The following TBC1D5 variants were observed in gnomAD, a reference collection of about 807,000 sequenced individuals.
The protein encoded by TBC1D5 is TBC1 domain family, member 5.
Under a neutral mutation model 100.3 loss-of-function variants are expected in TBC1D5, and 75 were observed. The ratio of observed to expected loss-of-function variants is 0.75; its 90% confidence interval spans 0.62 to 0.91. TBC1D5 has a LOEUF of 0.91. Among genes scored for constraint, TBC1D5 ranks in the 40% least tolerant of loss-of-function variants. The probability of loss-of-function intolerance (pLI) is 0.00; values close to 1 mark genes in which losing one functional copy is unlikely to be tolerated. For missense variants in TBC1D5, 910 were observed against 942.4 expected (o/e 0.97, Z 0.45); for synonymous variants, 323 against 325.6 (o/e 0.99, Z 0.09).
chr3:17,257,307 G>A (rs1482866839), intron 16 of TBC1D5, among the ~76,000 whole-genome samples: 3 of 152,186 alleles, frequency 2.0e-5, no homozygotes, highest in Admixed American at 6.5e-5. Flanking sequence ...AGAAATATAA[G>A]TGACTAGGGT....
intron 2 of TBC1D5, among the ~76,000 whole-genome samples, chr3:17,595,754 C>A (rs1181431442): frequency 6.6e-6 from 1 of 152,154 alleles, no homozygotes; most frequent in Non-Finnish European, 1.5e-5. Context: ...CAAGCCCTTT[C>A]CACTAAAAAG....
In TBC1D5 at chr3:17,182,977, A is replaced by T. The variant is rs554572595; in HGVS notation, c.1852+2132T>A. Among the ~76,000 whole-genome samples, 27 of 151,770 alleles carry T rather than the reference A, an allele frequency of 1.8e-4. No individual in the cohort carries two copies. The South Asian group carries it at 5.4e-3, about 31-fold the overall frequency. On this transcript the variant is annotated intron_variant, in intron 19 of 21. Transcript: ENST00000253692. ...AATCTTTACCTGCCCTTTACCAGAC[A>T]CTCCCTACAGGGCAAGCTTACCTAA...
At chr3:17,703,295 AAGGT>A (rs2153889114) in intron 1 of TBC1D5, among the ~76,000 whole-genome samples, 1 of 152,176 alleles carries the variant, frequency 6.6e-6, no homozygotes, top group South Asian at 2.1e-4. Flanking sequence ...AGAAAAAAAA[AAGGT>A]AGGCTTTAAA....
chr3:17,303,680 T>A (rs1455015258), intron 14 of TBC1D5, among the ~76,000 whole-genome samples: 1 of 152,140 alleles, frequency 6.6e-6, no homozygotes, highest in Admixed American at 6.5e-5. Context: ...CCCAATTCTT[T>A]GATATATTCA....
chr3:17,593,921 G>A (rs2060399557), intron 2 of TBC1D5, among the ~76,000 whole-genome samples: 1 of 152,176 alleles, frequency 6.6e-6, no homozygotes. Context: ...TTCTCCCATA[G>A]CCATGATTCA....
chr3:17,379,339 A>C (rs2092837701), intron 9 of TBC1D5, among the ~76,000 whole-genome samples: 1 of 151,972 alleles, frequency 6.6e-6, no homozygotes, highest in East Asian at 1.9e-4. Flanking sequence ...TGCCCTTTTG[A>C]AAGAAATAGT....
At chr3:17,585,588 A>C (rs2096727797) in intron 2 of TBC1D5, among the ~76,000 whole-genome samples, 1 of 152,190 alleles carries the variant, frequency 6.6e-6, no homozygotes, top group African/African-American at 2.4e-5. Flanking sequence ...CAGAAGAGAC[A>C]AAAGAAAAGG....
intron 13 of TBC1D5, among the ~76,000 whole-genome samples, chr3:17,368,900 A>G (rs764302980): frequency 6.6e-6 from 1 of 152,102 alleles, no homozygotes; most frequent in East Asian, 1.9e-4. Context: ...CCCCTTGGTG[A>G]TATTTACTCA....
At chr3:17,306,015 A>G (rs1484024036) in intron 14 of TBC1D5, among the ~76,000 whole-genome samples, 2 of 152,208 alleles carry the variant, frequency 1.3e-5, no homozygotes, top group Non-Finnish European at 2.9e-5. Context: ...CTTTAGTCTC[A>G]TAACCTGCGG....
chr3:17,407,397 A>G (rs1314385577), intron 4 of TBC1D5, among the ~76,000 whole-genome samples: 1 of 152,138 alleles, frequency 6.6e-6, no homozygotes, highest in East Asian at 1.9e-4. Context: ...AGCTTTATGA[A>G]ATTTCTCCCA....
intron 2 of TBC1D5, among the ~76,000 whole-genome samples, chr3:17,612,896 T>A (rs2061797556): frequency 6.6e-6 from 1 of 151,582 alleles, no homozygotes; most frequent in Admixed American, 6.6e-5. Flanking sequence ...TTCTTTTTTT[T>A]TTTTTTTTAT....
chr3:17,579,680 T>C (rs1024609496), intron 2 of TBC1D5, among the ~76,000 whole-genome samples: 13 of 152,148 alleles, frequency 8.5e-5, no homozygotes, highest in African/African-American at 3.1e-4. Context: ...AGAATTTTCC[T>C]CACATCATCC....
chr3:17,364,031 A>G (rs1417065251), intron 13 of TBC1D5, among the ~76,000 whole-genome samples: 2 of 150,252 alleles, frequency 1.3e-5, no homozygotes, highest in East Asian at 1.9e-4. Context: ...CAGCACCACC[A>G]CCCCCTCCCC....
intron 2 of TBC1D5, among the ~76,000 whole-genome samples, chr3:17,608,225 C>T (rs2061458259): frequency 1.3e-5 from 2 of 152,098 alleles, no homozygotes; most frequent in African/African-American, 4.8e-5. Flanking sequence ...CCACTGCACT[C>T]CAGCCCAGAC....
At chr3:17,390,253 G>A (rs1019484960) in intron 8 of TBC1D5, among the ~76,000 whole-genome samples, 1 of 152,072 alleles carries the variant, frequency 6.6e-6, no homozygotes, top group African/African-American at 2.4e-5. Flanking sequence ...CAGGAACCCA[G>A]GTGCCTGATA....
At chr3:17,181,937 C>T (rs994203446) in intron 19 of TBC1D5, among the ~76,000 whole-genome samples, 1 of 152,004 alleles carries the variant, frequency 6.6e-6, no homozygotes, top group East Asian at 1.9e-4. Context: ...TATTCAATCC[C>T]TTACTAATGA....
chr3:17,446,799 G>GT (rs2094807895), intron 3 of TBC1D5, among the ~76,000 whole-genome samples: 1 of 152,090 alleles, frequency 6.6e-6, no homozygotes, highest in Admixed American at 6.6e-5. Flanking sequence ...GTGAAACCCC[G>GT]TCTCTAGTGA....
chr3:17,166,493 A>G (rs1160016826), intron 21 of TBC1D5, among the ~76,000 whole-genome samples: 5 of 152,226 alleles, frequency 3.3e-5, no homozygotes, highest in African/African-American at 1.2e-4. Context: ...CAGAATGGGC[A>G]TGGCAGGAGG....
At chr3:17,443,910 T>C (rs1373117876) in intron 3 of TBC1D5, among the ~76,000 whole-genome samples, 4 of 152,228 alleles carry the variant, frequency 2.6e-5, no homozygotes, top group African/African-American at 9.6e-5. Context: ...GAACGGAGTG[T>C]CAAGGATCCA....
Sources: allele counts gnomAD v4.1 joint callset (sites outside exome capture counted in the v4.1 genomes callset), GRCh38; gene constraint gnomAD v4.1.1; transcripts MANE v1.5; gene names NCBI Gene and HGNC (gene_info 2026-07-23, HGNC 2026-07-21).